Variants in C4orf50 observed in about 807,000 individuals in gnomAD.
C4orf50 encodes the protein uncharacterized protein C4orf50.
C4orf50 carries 80 observed loss-of-function variants against 77.2 expected under a neutral mutation model. That is an observed-to-expected ratio of 1.04 (90% CI 0.87 to 1.25). The LOEUF (loss-of-function observed/expected upper bound fraction) is 1.25. Ranked by LOEUF, C4orf50 falls within the 50% of genes most tolerant of loss-of-function variation. C4orf50 has a pLI of 0.00. For missense variants in C4orf50, 1,257 were observed against 1,152.9 expected (o/e 1.09, Z -1.31); for synonymous variants, 532 against 465.3 (o/e 1.14, Z -1.84).
At chr4:5,976,648 T>G (rs1398506634) in intron 29 of C4orf50, among the ~76,000 whole-genome samples, 1 of 152,118 alleles carries the variant, frequency 6.6e-6, no homozygotes, top group Non-Finnish European at 1.5e-5. Context: ...TGAGATCTTG[T>G]GCAAGACACT....
At chr4:5,988,924 T>G in exon 28 of C4orf50, 2 of 1,536,086 alleles carry the variant, frequency 1.3e-6, no homozygotes, top group South Asian at 2.4e-5. Context: ...GTCTTTGGAT[T>G]TCCTGACACT....
intron 7 of C4orf50, chr4:5,898,208 C>T (rs1182684417): frequency 6.6e-6 from 1 of 152,242 alleles, no homozygotes; most frequent in African/African-American, 2.4e-5. Context: ...TCGCTTATCA[C>T]TCTGCCAATG....
chr4:5,976,433 G>C (rs1477629302), intron 29 of C4orf50, among the ~76,000 whole-genome samples: 1 of 148,232 alleles, frequency 6.7e-6, no homozygotes, highest in Non-Finnish European at 1.5e-5. Flanking sequence ...TCCAGCCTGG[G>C]CGAGAGAGCG....
intron 7 of C4orf50, among the ~76,000 whole-genome samples, chr4:5,925,146 G>A (rs2108740883): frequency 6.6e-6 from 1 of 152,266 alleles, no homozygotes; most frequent in South Asian, 2.1e-4. Flanking sequence ...CAGAGGGAGT[G>A]GAGACAGACT....
Position 6,009,227 on chromosome 4 carries a change from C to T in C4orf50, c.427-695G>A, listed in dbSNP as rs1051698904. ...TGGGAACACATCTGCCTCCTCCCACCCACGGGCCGTGAGCTGGACTGGGGT... is the reference window on the plus strand; with the variant it reads ...TGGGAACACATCTGCCTCCTCCCACTCACGGGCCGTGAGCTGGACTGGGGT... On this transcript the variant is annotated intron_variant, in intron 24 of 33. Coordinates refer to ENST00000531445, the Ensembl canonical transcript of C4orf50. This position sits in a 1 kb window ranked among gnomAD's most constrained non-coding sequence, Gnocchi z 5.6. 6.6e-6 allele frequency among the ~76,000 whole-genome samples: 1 copy of T among 152,194 alleles called. No individual in the cohort carries two copies. Among genetic ancestry groups the T allele is most frequent in the African/African-American group, 2.4e-5 (1 of 41,442 alleles).
intron 23 of C4orf50, 142 bp from the exon 2 acceptor site, chr4:6,012,110 C>A (rs12507791): frequency 0.042 from 16,721 of 397,088 alleles, 831 homozygotes; most frequent in East Asian, 0.18. Context: ...TTACGTTTTG[C>A]ATAATATTCA....
At chr4:5,968,309 G>T (rs1231997533) in intron 31 of C4orf50, among the ~76,000 whole-genome samples, 1 of 152,166 alleles carries the variant, frequency 6.6e-6, no homozygotes. Flanking sequence ...CTCGCACAGC[G>T]CCTTCTCTGC....
At chr4:5,949,430 G>A (rs1316247189) in intron 7 of C4orf50, among the ~76,000 whole-genome samples, 1 of 152,176 alleles carries the variant, frequency 6.6e-6, no homozygotes, top group Non-Finnish European at 1.5e-5. Context: ...AGTGAAACAA[G>A]CCAGTTGCTC....
At position 5,958,283 on chromosome 4, in the gene C4orf50, C is replaced by G. The variant is rs1719079383; in HGVS notation, c.*1092G>C. The G allele has an allele frequency of 6.6e-6, 1 of 152,096 alleles. No homozygotes were observed. The highest frequency in any genetic ancestry group is 1.5e-5 in the Non-Finnish European group (1 of 68,062). 9.4% of individuals were successfully genotyped at this position (152,096 alleles called of 1,614,324 possible). ...CCCACCTGATTCGGGGCACGAGTCT[C>G]TGTTCTCGGTGGAAGGAAGGGGTGC... On this transcript the variant is annotated 3_prime_UTR_variant, in exon 34 of 34. Transcript: ENST00000531445. The surrounding 1 kb of genome is among the most constrained non-coding windows in gnomAD (Gnocchi z 5.4).
Position 6,008,398 on chromosome 4 carries a change from C to A in C4orf50, c.561G>T (p.Gln187His), listed in dbSNP as rs1429889792. The change falls in exon 25 of 34, where the codon CAG becomes CAT. Residue 187 changes from glutamine to histidine, a missense_variant. Transcript: ENST00000531445. This position sits in a 1 kb window ranked among gnomAD's most constrained non-coding sequence, Gnocchi z 6.0. ...GCTCCTGCTCCCGCACCAGGCCCAG[C>A]TGGCGCCGCTGGGTCCGCCGGCAGC... 5.1e-6 allele frequency: 2 copies of A among 394,034 alleles called. No individual in the cohort carries two copies. The highest frequency in any genetic ancestry group is 9.0e-6 in the Non-Finnish European group (2 of 223,222). 24.4% of individuals were successfully genotyped at this position (394,034 alleles called of 1,614,324 possible).
At chr4:5,993,852 A>C (rs1402147830) in intron 26 of C4orf50, among the ~76,000 whole-genome samples, 1 of 121,474 alleles carries the variant, frequency 8.2e-6, no homozygotes, top group African/African-American at 3.6e-5. Flanking sequence ...ATAAATAAAA[A>C]TAAATAAAAA....
At chr4:5,980,452 GT>G in intron 28 of C4orf50, 114 bp from the exon 7 acceptor site, 1 of 912,028 alleles carries the variant, frequency 1.1e-6, no homozygotes, top group Non-Finnish European at 1.7e-6. Context: ...TGTTGTTGTT[GT>G]TTTCCTGCTT....
intron 25 of C4orf50, among the ~76,000 whole-genome samples, chr4:5,999,615 C>T (rs1721744432): frequency 6.6e-6 from 1 of 152,154 alleles, no homozygotes; most frequent in Non-Finnish European, 1.5e-5. Flanking sequence ...CCTCAAGGCA[C>T]TCACTCATCA....
intron 25 of C4orf50, among the ~76,000 whole-genome samples, chr4:6,005,762 A>G (rs1379094300): frequency 6.6e-6 from 1 of 152,214 alleles, no homozygotes; most frequent in African/African-American, 2.4e-5. Flanking sequence ...TACTCGTGCT[A>G]TCTCCCAGAT....
intron 31 of C4orf50, among the ~76,000 whole-genome samples, chr4:5,971,264 T>C (rs1719891835): frequency 6.6e-6 from 1 of 152,148 alleles, no homozygotes; most frequent in Non-Finnish European, 1.5e-5. Context: ...TGACTGCCCA[T>C]CAAGCAAGCA....
rs1331876608 is a variant in C4orf50 at position 5,916,405 on chromosome 4, G to A, written c.*2475-18217C>T. Reference sequence around the variant, plus strand: ...TCCCTGCCCACCACAGAGAAGGCTGGGAGCCAGGACCTGCCCCCAGAGCTC... The same window carrying A: ...TCCCTGCCCACCACAGAGAAGGCTGAGAGCCAGGACCTGCCCCCAGAGCTC... On this transcript the variant is annotated intron_variant, in intron 7 of 7. Transcript: ENST00000324058. The surrounding 1 kb of genome is among the most constrained non-coding windows in gnomAD (Gnocchi z 4.4). 6.7e-6 allele frequency among the ~76,000 whole-genome samples: 1 copy of A among 150,246 alleles called. No individual in the cohort carries two copies. Among genetic ancestry groups the A allele is most frequent in the East Asian group, 1.9e-4 (1 of 5,192 alleles).
intron 24 of C4orf50, among the ~76,000 whole-genome samples, chr4:6,010,282 G>A (rs1722440764): frequency 6.6e-6 from 1 of 152,172 alleles, no homozygotes; most frequent in Admixed American, 6.5e-5. Context: ...CCAGGGAGAA[G>A]TAACTCGATT....
intron 31 of C4orf50, among the ~76,000 whole-genome samples, chr4:5,971,531 G>A (rs993529128): frequency 2.3e-4 from 35 of 152,054 alleles, no homozygotes; most frequent in African/African-American, 7.0e-4. Flanking sequence ...CCTGGTCCAC[G>A]GAAGCGTGTC....
intron 7 of C4orf50, among the ~76,000 whole-genome samples, chr4:5,906,933 C>A (rs991862222): frequency 5.9e-5 from 9 of 152,182 alleles, no homozygotes; most frequent in African/African-American, 2.2e-4. Flanking sequence ...ACTTGGAGAA[C>A]TTTACAAGAA....
Sources: allele counts gnomAD v4.1 joint callset (sites outside exome capture counted in the v4.1 genomes callset), GRCh38; gene constraint gnomAD v4.1.1; non-coding constraint Gnocchi (gnomAD v3.1); transcripts MANE v1.5; gene names NCBI Gene and HGNC (gene_info 2026-07-23, HGNC 2026-07-21).